Variants in TMEM132B observed in about 807,000 individuals in gnomAD.
The protein encoded by TMEM132B is transmembrane protein 132B.
Under a neutral mutation model 90.8 loss-of-function variants are expected in TMEM132B, and 18 were observed. The observed-to-expected ratio is 0.20, with a 90% confidence interval of 0.14 to 0.29. TMEM132B has a LOEUF of 0.29. Ranked by LOEUF, TMEM132B falls within the 10% of genes least tolerant of loss-of-function variation. The pLI is 1.00. For missense variants in TMEM132B, 1,096 were observed against 1,326.8 expected (o/e 0.83, Z 2.70); for synonymous variants, 504 against 523.3 (o/e 0.96, Z 0.50).
intron 5 of TMEM132B, among the ~76,000 whole-genome samples, chr12:125,592,745 G>C (rs1885347023): frequency 1.3e-5 from 2 of 152,170 alleles, no homozygotes; most frequent in Non-Finnish European, 2.9e-5. Context: ...GAGAGGGTGA[G>C]ATGGAATGTG....
At chr12:125,189,776 A>C (rs1044852191) in intron 1 of TMEM132B, among the ~76,000 whole-genome samples, 12 of 152,160 alleles carry the variant, frequency 7.9e-5, no homozygotes, top group Non-Finnish European at 1.6e-4. Context: ...CCAAGGGAGC[A>C]AAAGAAAACC....
At chr12:125,253,600 A>C (rs1874364560) in intron 1 of TMEM132B, among the ~76,000 whole-genome samples, 1 of 151,918 alleles carries the variant, frequency 6.6e-6, no homozygotes, top group Non-Finnish European at 1.5e-5. Flanking sequence ...ACGCCCAGCT[A>C]ATCTTTGTTT....
intron 1 of TMEM132B, among the ~76,000 whole-genome samples, chr12:125,214,130 G>T (rs1571887): frequency 2.6e-5 from 4 of 152,168 alleles, no homozygotes; most frequent in Non-Finnish European, 5.9e-5. Flanking sequence ...TCAGGAGGAG[G>T]TGTTAGGACT....
intron 1 of TMEM132B, among the ~76,000 whole-genome samples, chr12:125,341,276 T>G (rs1353809060): frequency 2.0e-5 from 3 of 152,220 alleles, no homozygotes; most frequent in Non-Finnish European, 4.4e-5. Flanking sequence ...TTTTCTCATT[T>G]ATGAGTGGGG....
chr12:125,657,957 A>C lies in TMEM132B; in HGVS notation c.*3247A>C, dbSNP rs969943964. The C allele has an allele frequency of 1.3e-5, 2 of 152,320 alleles. No individual in the cohort carries two copies. The highest frequency in any genetic ancestry group is 4.8e-5 in the African/African-American group (2 of 41,456). 9.4% of individuals were successfully genotyped at this position (152,320 alleles called of 1,614,324 possible). On this transcript the variant is annotated 3_prime_UTR_variant, in exon 9 of 9. Transcript: ENST00000682704. ...GCACAGGAATCAAGAAGCAGCTGCC[A>C]CACCAAAGAACTGATGCTTAAACAC...
intron 2 of TMEM132B, among the ~76,000 whole-genome samples, chr12:125,384,951 C>A (rs1878786030): frequency 6.6e-6 from 1 of 152,214 alleles, no homozygotes; most frequent in Admixed American, 6.5e-5. Context: ...CATGCCCAGC[C>A]ATTTTCTACC....
At position 125,617,495 on chromosome 12, in the gene TMEM132B, G is replaced by A. The variant is rs143022933; in HGVS notation, c.1438-26581G>A. Among the ~76,000 whole-genome samples the A allele has an allele frequency of 3.7e-3, 563 of 152,076 alleles. 1 individual carries two copies. The highest frequency in any genetic ancestry group is 5.9e-3 in the Non-Finnish European group (404 of 67,962). On this transcript the variant is annotated intron_variant, in intron 5 of 8. Coordinates refer to ENST00000682704, the MANE Select transcript of TMEM132B (RefSeq NM_001366854.1). ...CAAGTAGCTGGGATTACAGGCATGC[G>A]CCACCACACCTGGCCAATTTTGTAT...
intron 4 of TMEM132B, among the ~76,000 whole-genome samples, chr12:125,526,996 A>G (rs1354832176): frequency 2.1e-5 from 3 of 141,932 alleles, no homozygotes; most frequent in East Asian, 2.1e-4. Context: ...CCACCCTTCT[A>G]TCCAATCATT....
chr12:125,587,704 G>C (rs1885212858), intron 5 of TMEM132B: 1 of 152,294 alleles, frequency 6.6e-6, no homozygotes, highest in East Asian at 1.9e-4. Context: ...CCTAGTTTTT[G>C]ATAGTGGATT....
At chr12:125,432,122 C>T (rs1036304417) in intron 3 of TMEM132B, among the ~76,000 whole-genome samples, 5 of 151,618 alleles carry the variant, frequency 3.3e-5, no homozygotes, top group South Asian at 2.1e-4. Context: ...ATTTTGTATG[C>T]GCTGTTTGGG....
chr12:125,245,137 ACT>A (rs1423835800), intron 1 of TMEM132B, among the ~76,000 whole-genome samples: 3 of 152,072 alleles, frequency 2.0e-5, no homozygotes, highest in African/African-American at 7.2e-5. Flanking sequence ...CAACAAAAGT[ACT>A]TTTGTTGGTT....
At chr12:125,632,402 AC>A (rs1397640297) in intron 5 of TMEM132B, among the ~76,000 whole-genome samples, 1 of 152,090 alleles carries the variant, frequency 6.6e-6, no homozygotes, top group African/African-American at 2.4e-5. Flanking sequence ...AAGTCTCTCT[AC>A]TTAGGATAAG....
At chr12:125,297,244 C>T (rs868663962) in intron 1 of TMEM132B, among the ~76,000 whole-genome samples, 3 of 152,170 alleles carry the variant, frequency 2.0e-5, no homozygotes, top group African/African-American at 7.2e-5. Flanking sequence ...GGAAGGGGAT[C>T]GTCTCATGTC....
intron 5 of TMEM132B, among the ~76,000 whole-genome samples, chr12:125,590,440 T>C (rs77881699): frequency 6.6e-6 from 1 of 152,236 alleles, no homozygotes; most frequent in Non-Finnish European, 1.5e-5. Context: ...CAAGATACTA[T>C]GCACAAATGG....
At chr12:125,436,422 T>C (rs1170911251) in intron 3 of TMEM132B, among the ~76,000 whole-genome samples, 1 of 152,174 alleles carries the variant, frequency 6.6e-6, no homozygotes, top group African/African-American at 2.4e-5. Flanking sequence ...ATGGGAGTTG[T>C]AATTATTTAA....
At position 125,272,717 on chromosome 12, in the gene TMEM132B, C is replaced by T. The variant is rs146705967; in HGVS notation, c.68-76735C>T. Among the ~76,000 whole-genome samples the T allele has an allele frequency of 1.7e-3, 258 of 152,270 alleles. 1 individual carries two copies. Among genetic ancestry groups the T allele is most frequent in the African/African-American group, 5.6e-3 (232 of 41,550 alleles). The stretch of plus-strand genomic sequence containing the variant: ...CTAAAGGCGGAGGGAAGGAGGGAGT[C>T]GTCACATTATTAAATGACCCAATGA... On this transcript the variant is annotated intron_variant, in intron 1 of 8. Coordinates refer to ENST00000682704, the MANE Select transcript of TMEM132B (RefSeq NM_001366854.1).
At chr12:125,436,553 G>A (rs916056276) in intron 3 of TMEM132B, among the ~76,000 whole-genome samples, 6 of 152,172 alleles carry the variant, frequency 3.9e-5, no homozygotes, top group South Asian at 4.1e-4. Flanking sequence ...GGCAGAGGGC[G>A]TGATGCATCT....
At chr12:125,563,855 C>G (rs1440623438) in intron 4 of TMEM132B, among the ~76,000 whole-genome samples, 3 of 152,132 alleles carry the variant, frequency 2.0e-5, no homozygotes, top group African/African-American at 7.2e-5. Flanking sequence ...CTACCAGAAG[C>G]CAAGGAACTC....
chr12:125,617,953 C>CA (rs59348979), intron 5 of TMEM132B, among the ~76,000 whole-genome samples: 498 of 144,490 alleles, frequency 3.4e-3, no homozygotes, highest in Middle Eastern at 0.03. Context: ...TTGCTTACTA[C>CA]AAAAAAAAAA....
Sources: gnomAD v4.1 joint callset for allele counts (sites outside exome capture counted in the v4.1 genomes callset) on GRCh38, gnomAD v4.1.1 for gene constraint, MANE v1.5 for transcripts, NCBI Gene and HGNC (gene_info 2026-07-23, HGNC 2026-07-21) for gene names.